BPIFC: variants seen among roughly 807,000 people sequenced by gnomAD.
BPIFC encodes the protein BPI fold containing family C.
BPIFC carries 60 observed loss-of-function variants against 57.6 expected under a neutral mutation model. The observed-to-expected ratio is 1.04, with a 90% CI of 0.85 to 1.29. BPIFC has a LOEUF of 1.29. BPIFC is among the 50% of genes most tolerant of loss of function. The probability of loss-of-function intolerance (pLI) is 0.00; values close to 1 mark genes in which losing one functional copy is unlikely to be tolerated. For missense variants in BPIFC, 581 were observed against 600.5 expected (o/e 0.97, Z 0.34); for synonymous variants, 243 against 224.5 (o/e 1.08, Z -0.74).
chr22:32,451,250 C>T (rs1005877156), intron 4 of BPIFC, among the ~76,000 whole-genome samples: 1 of 152,192 alleles, frequency 6.6e-6, no homozygotes, highest in African/African-American at 2.4e-5. Context: ...ATATGTGCCA[C>T]ATTTTCTTAA....
chr22:32,432,204 C>T (rs754420954), intron 12 of BPIFC, among the ~76,000 whole-genome samples, 169 bp downstream of exon 12: 3 of 152,128 alleles, frequency 2.0e-5, no homozygotes, highest in Non-Finnish European at 4.4e-5. Flanking sequence ...CTTCAGCCTC[C>T]CAAGACACTG....
Position 32,457,362 on chromosome 22 carries a change from G to T in BPIFC, c.25C>A (p.Leu9Ile). ...TTCCACAGGAGGAAACATCCCCAGA[G>T]GACTGGGATTGTCTTTGTACACATC... MCTKTIPVLWGCFLLWNLY... is the reference protein window; with the variant it reads MCTKTIPVIWGCFLLWNLY... Residue 9 changes from leucine (L) to isoleucine (I), a missense_variant, in exon 3 of 17, where the codon CTC (leucine) becomes ATC (isoleucine). Coordinates refer to ENST00000300399, the MANE Select transcript of BPIFC (RefSeq NM_174932.3). The T allele has an allele frequency of 3.1e-6, 5 of 1,610,488 alleles. No homozygotes were observed. The highest frequency in any genetic ancestry group is 3.4e-6 in the Non-Finnish European group (4 of 1,178,938).
chr22:32,432,281 C>G (rs1934268077), intron 12 of BPIFC, 92 bp downstream of exon 12: 1 of 1,375,174 alleles, frequency 7.3e-7, no homozygotes. Flanking sequence ...GCATCCCCAC[C>G]CTCTTCAAAC....
intron 4 of BPIFC, 112 bp from the exon 5 acceptor site, chr22:32,447,452 C>T (rs1026289780): frequency 3.9e-6 from 5 of 1,277,706 alleles, no homozygotes; most frequent in African/African-American, 1.5e-5. Flanking sequence ...TTGTGAACTC[C>T]TACAGAGAAA....
intron 13 of BPIFC, among the ~76,000 whole-genome samples, chr22:32,427,308 G>A (rs570305358): frequency 6.6e-6 from 1 of 152,310 alleles, no homozygotes; most frequent in African/African-American, 2.4e-5. Context: ...AAGCAGAAAA[G>A]TGAACCTGGT....
At chr22:32,432,145 T>C (rs528665581) in intron 12 of BPIFC, among the ~76,000 whole-genome samples, 1 of 151,996 alleles carries the variant, frequency 6.6e-6, no homozygotes, top group African/African-American at 2.4e-5. Context: ...GAGGTCTTGC[T>C]ATGTTACCCA....
chr22:32,430,532 ATTTTATAAAATGTTTTATAT>A (rs1377935320), intron 13 of BPIFC, among the ~76,000 whole-genome samples: 1 of 147,622 alleles, frequency 6.8e-6, no homozygotes, highest in Non-Finnish European at 1.5e-5. Flanking sequence ...AACATAATAT[ATTTTATAAAATGTTTTATAT>A]AAATATAAAA....
At position 32,435,719 on chromosome 22, in the gene BPIFC, A is replaced by G; in HGVS notation, c.909T>C (p.Thr303=). The G allele has an allele frequency of 6.2e-7, 1 of 1,613,794 alleles. No individual in the cohort carries two copies. Among genetic ancestry groups the G allele is most frequent in the Non-Finnish European group, 8.5e-7 (1 of 1,179,890 alleles). Residue 303 remains threonine (T), a synonymous_variant, in exon 10 of 17, where the codon ACT becomes ACC. Transcript: ENST00000300399. The stretch of plus-strand genomic sequence containing the variant: ...CTCTCCTCACCTCTTCGGTGGAGAG[A>G]GTGACATTGAAAACCCCAGCTGTGA... ...AHFTAGVFNV[T]LSTEEISNHF...
At chr22:32,430,933 C>A (rs1009477806) in intron 13 of BPIFC, among the ~76,000 whole-genome samples, 1 of 152,094 alleles carries the variant, frequency 6.6e-6, no homozygotes, top group South Asian at 2.1e-4. Context: ...TGTAAGATGG[C>A]ACCTGACCAT....
chr22:32,430,486 TAAA>T (rs1194457599), intron 13 of BPIFC, among the ~76,000 whole-genome samples: 1 of 148,008 alleles, frequency 6.8e-6, no homozygotes, highest in East Asian at 1.9e-4. Flanking sequence ...ATAAAATAAA[TAAA>T]AATAAAATAT....
At chr22:32,438,050 T>C (rs1934459420) in intron 8 of BPIFC, among the ~76,000 whole-genome samples, 199 bp from the exon 9 acceptor site, 1 of 152,222 alleles carries the variant, frequency 6.6e-6, no homozygotes, top group Non-Finnish European at 1.5e-5. Context: ...GAACATTTTT[T>C]CCAAGTGTAT....
chr22:32,429,509 G>GTTTTTTT lies in BPIFC; in HGVS notation c.1217+1831_1217+1837dup, dbSNP rs780948561. On this transcript the variant is annotated intron_variant, in intron 13 of 16. Coordinates refer to ENST00000300399, the MANE Select transcript of BPIFC (RefSeq NM_174932.3). ...GCGTGAGCCATGGCAACTGGCCTTT[G>GTTTTTTT]TTTTTTTTTTTTTTTTTTTTTTTTT... is the stretch of plus-strand genomic sequence containing the variant. Among the ~76,000 whole-genome samples, 27 of 56,644 alleles carry GTTTTTTT rather than the reference G, an allele frequency of 4.8e-4. 3 individuals carry two copies. The highest frequency in any genetic ancestry group is 1.4e-3 in the East Asian group (2 of 1,448). The allele number at this position is 56,644 out of a possible 152,430, so 37.2% of individuals were successfully genotyped here.
chr22:32,453,633 A>T, intron 3 of BPIFC, 130 bp from the exon 4 acceptor site: 2 of 1,175,790 alleles, frequency 1.7e-6, no homozygotes, highest in African/African-American at 1.6e-5. Context: ...CAACCCCACA[A>T]AGTGGGTATT....
At chr22:32,437,262 G>A (rs1016436404) in intron 9 of BPIFC, among the ~76,000 whole-genome samples, 2 of 152,208 alleles carry the variant, frequency 1.3e-5, no homozygotes, top group Non-Finnish European at 2.9e-5. Context: ...TCAATAAAAC[G>A]TTCAAGAGTC....
At chr22:32,462,168 C>CA (rs35716277) in intron 1 of BPIFC, among the ~76,000 whole-genome samples, 11,999 of 53,736 alleles carry the variant, frequency 0.22, 1,979 homozygotes, top group South Asian at 0.29. Flanking sequence ...GACTCCATCT[C>CA]AAAAAAAAAA....
chr22:32,435,978 C>T, intron 9 of BPIFC, 98 bp from the exon 10 acceptor site: 1 of 1,388,482 alleles, frequency 7.2e-7, no homozygotes, highest in Non-Finnish European at 9.7e-7. Flanking sequence ...ATAAGAATTC[C>T]AGAAGCTCGG....
In BPIFC at chr22:32,453,142, G is replaced by A. The variant is rs7290825; in HGVS notation, c.245+241C>T. 5.9e-5 allele frequency among the ~76,000 whole-genome samples: 9 copies of A among 152,076 alleles called. No individual in the cohort carries two copies. The East Asian group carries it at 7.7e-4, about 13-fold the overall frequency. ...GAAGACTGACTCAGCTTTTAAGAACGCCTTTACCCTCGTCTCTTCCTCCTT... is the reference window on the plus strand; with the variant it reads ...GAAGACTGACTCAGCTTTTAAGAACACCTTTACCCTCGTCTCTTCCTCCTT... On this transcript the variant is annotated intron_variant, in intron 4 of 16. Transcript: ENST00000300399.
intron 13 of BPIFC, among the ~76,000 whole-genome samples, chr22:32,424,693 CTCTTCT>C (rs1488348803): frequency 3.4e-5 from 1 of 29,314 alleles, no homozygotes; most frequent in African/African-American, 2.2e-4. Flanking sequence ...CTTCTTCTTC[CTCTTCT>C]TCTTCCTCTT....
intron 3 of BPIFC, among the ~76,000 whole-genome samples, chr22:32,454,958 C>T (rs917993673): frequency 2.0e-5 from 3 of 152,006 alleles, no homozygotes; most frequent in Non-Finnish European, 4.4e-5. Flanking sequence ...TTTGCTATGG[C>T]CAGACAGCAT....
Sources: gnomAD v4.1 joint callset for allele counts (sites outside exome capture counted in the v4.1 genomes callset) on GRCh38, gnomAD v4.1.1 for gene constraint, MANE v1.5 for transcripts, NCBI Gene and HGNC (gene_info 2026-07-23, HGNC 2026-07-21) for gene names.